The following CADM2 variants were observed in gnomAD, a reference collection of about 807,000 sequenced individuals.
CADM2 encodes cell adhesion molecule 2, also known as immunoglobulin superfamily member 4D.
Under a neutral mutation model 49.8 loss-of-function variants are expected in CADM2, and 12 were observed. The observed-to-expected ratio is 0.24, with a 90% CI of 0.15 to 0.39. The LOEUF is 0.39. Among genes scored for constraint, CADM2 ranks in the 10% least tolerant of loss-of-function variants. The pLI is 1.00. For missense variants in CADM2, 378 were observed against 492.3 expected (o/e 0.77, Z 2.20); for synonymous variants, 214 against 175.4 (o/e 1.22, Z -1.74).
At chr3:85,076,966 C>T (rs570231876) in intron 1 of CADM2, among the ~76,000 whole-genome samples, 296 of 152,156 alleles carry the variant, frequency 1.9e-3, no homozygotes, top group African/African-American at 5.9e-3. Flanking sequence ...AGAGAGACTC[C>T]GTCTCAAAAT....
intron 2 of CADM2, among the ~76,000 whole-genome samples, chr3:85,751,643 G>A (rs1261959351): frequency 6.6e-6 from 1 of 152,064 alleles, no homozygotes; most frequent in East Asian, 1.9e-4. Flanking sequence ...ATTTGTCTAT[G>A]ATGCAAATTT....
At chr3:85,982,110 G>A (rs1435031373) in intron 8 of CADM2, among the ~76,000 whole-genome samples, 2 of 151,694 alleles carry the variant, frequency 1.3e-5, no homozygotes, top group African/African-American at 4.8e-5. Flanking sequence ...GATTAGTGAT[G>A]TTGAGCATTT....
At chr3:86,066,053 C>T (rs960899602) in intron 9 of CADM2, among the ~76,000 whole-genome samples, 2 of 151,872 alleles carry the variant, frequency 1.3e-5, no homozygotes, top group African/African-American at 2.4e-5. Context: ...ATGTTTTTGT[C>T]AGTTTGTGAA....
At chr3:85,147,200 G>A (rs1449402139) in intron 1 of CADM2, among the ~76,000 whole-genome samples, 5 of 149,920 alleles carry the variant, frequency 3.3e-5, no homozygotes, top group African/African-American at 7.4e-5. Context: ...GCGAGAACCC[G>A]GGAGGCGGAG....
In CADM2 at chr3:85,161,471, C is replaced by T. The variant is rs2107668161; in HGVS notation, c.61+201803C>T. On this transcript the variant is annotated intron_variant, in intron 1 of 9. Transcript: ENST00000383699. ...TATGAAGCTCAGTTACATGTTATTC[C>T]TCCAAGTTCAGGGAATCCACAGTTT... Among the ~76,000 whole-genome samples, 2 of 152,148 alleles carry T rather than the reference C, an allele frequency of 1.3e-5. 1 individual carries two copies. Among genetic ancestry groups the T allele is most frequent in the South Asian group, 4.1e-4 (2 of 4,828 alleles).
At chr3:85,984,870 G>T (rs569003489) in intron 8 of CADM2, among the ~76,000 whole-genome samples, 1 of 152,002 alleles carries the variant, frequency 6.6e-6, no homozygotes, top group Admixed American at 6.6e-5. Flanking sequence ...TACATTATTT[G>T]TCTGGTAATC....
intron 1 of CADM2, among the ~76,000 whole-genome samples, chr3:85,579,610 C>T (rs2062736046): frequency 6.6e-6 from 1 of 152,006 alleles, no homozygotes; most frequent in South Asian, 2.1e-4. Flanking sequence ...TTTTGATTTT[C>T]AGAATATAAT....
At chr3:85,731,733 A>G (rs940262793) in intron 2 of CADM2, among the ~76,000 whole-genome samples, 2 of 152,010 alleles carry the variant, frequency 1.3e-5, no homozygotes, top group South Asian at 2.1e-4. Flanking sequence ...ATCACCTTTA[A>G]TATTAAAAAA....
intron 1 of CADM2, among the ~76,000 whole-genome samples, chr3:85,575,074 G>T (rs1399184090): frequency 6.6e-6 from 1 of 152,118 alleles, no homozygotes; most frequent in African/African-American, 2.4e-5. Flanking sequence ...CCCCATCAGT[G>T]CAAGCCTGAG....
chr3:85,017,474 G>A (rs992831763), intron 1 of CADM2, among the ~76,000 whole-genome samples: 3 of 152,032 alleles, frequency 2.0e-5, no homozygotes, highest in Non-Finnish European at 1.5e-5. Flanking sequence ...CACTTTTATC[G>A]TCATGCCAAG....
chr3:85,636,295 G>A (rs2064478580), intron 1 of CADM2, among the ~76,000 whole-genome samples: 1 of 152,114 alleles, frequency 6.6e-6, no homozygotes, highest in Non-Finnish European at 1.5e-5. Flanking sequence ...CTAGGCTAAT[G>A]TGTGTGTTTT....
intron 1 of CADM2, among the ~76,000 whole-genome samples, chr3:85,038,936 G>A (rs2035327460): frequency 6.6e-6 from 1 of 152,094 alleles, no homozygotes; most frequent in Non-Finnish European, 1.5e-5. Flanking sequence ...ACTGAATGGA[G>A]GAGTTTGTAT....
intron 1 of CADM2, among the ~76,000 whole-genome samples, chr3:85,382,635 A>AT (rs1021336725): frequency 6.6e-6 from 1 of 152,182 alleles, no homozygotes; most frequent in African/African-American, 2.4e-5. Flanking sequence ...TTCTTAGAGC[A>AT]TAACAATACA....
At position 85,086,030 on chromosome 3, in the gene CADM2, A is replaced by G. The variant is rs145843245; in HGVS notation, c.61+126362A>G. 7.2e-5 allele frequency among the ~76,000 whole-genome samples: 11 copies of G among 152,270 alleles called. No individual in the cohort carries two copies. In the East Asian group the frequency reaches 1.9e-3, roughly 27 times the overall value. On this transcript the variant is annotated intron_variant, in intron 1 of 9. Coordinates refer to ENST00000383699, the MANE Select transcript of CADM2 (RefSeq NM_001167675.2). ...TTGAAAAATTACGAAGATGTTTAGGACAAAAACTTTTTTTATTTCCACATA... is the reference window on the plus strand; with the variant it reads ...TTGAAAAATTACGAAGATGTTTAGGGCAAAAACTTTTTTTATTTCCACATA...
intron 1 of CADM2, among the ~76,000 whole-genome samples, chr3:85,141,420 G>A (rs2039572640): frequency 1.3e-5 from 2 of 152,186 alleles, no homozygotes; most frequent in South Asian, 2.1e-4. Context: ...TTGTAAAAAC[G>A]TTTATTCTGT....
At chr3:85,714,664 T>A (rs1436244703) in intron 1 of CADM2, among the ~76,000 whole-genome samples, 1 of 152,020 alleles carries the variant, frequency 6.6e-6, no homozygotes, top group Non-Finnish European at 1.5e-5. Flanking sequence ...TCTCCTGACC[T>A]CGTGATCCGC....
chr3:85,710,221 T>G (rs2067076258), intron 1 of CADM2, among the ~76,000 whole-genome samples: 1 of 152,150 alleles, frequency 6.6e-6, no homozygotes, highest in Non-Finnish European at 1.5e-5. Context: ...CCAAACACCA[T>G]GATTCTTTTC....
intron 1 of CADM2, among the ~76,000 whole-genome samples, chr3:85,075,188 T>G (rs2036897538): frequency 1.3e-5 from 2 of 151,908 alleles, no homozygotes; most frequent in African/African-American, 4.8e-5. Flanking sequence ...AACATTAAAA[T>G]GTACCTAATT....
chr3:85,576,409 T>C (rs2062634927), intron 1 of CADM2, among the ~76,000 whole-genome samples: 1 of 152,178 alleles, frequency 6.6e-6, no homozygotes. Context: ...AAATTTGTAT[T>C]CCTGCTGTGC....
Sources: gnomAD v4.1 joint callset for allele counts (sites outside exome capture counted in the v4.1 genomes callset) on GRCh38, gnomAD v4.1.1 for gene constraint, MANE v1.5 for transcripts, NCBI Gene and HGNC (gene_info 2026-07-23, HGNC 2026-07-21) for gene names.